The following LGSN variants were observed in gnomAD, a reference collection of about 807,000 sequenced individuals.
LGSN encodes lengsin.
In LGSN, 21 loss-of-function variants were observed where a neutral mutation model predicts 19.5. That is an observed-to-expected ratio of 1.07 (90% CI 0.76 to 1.55). The LOEUF is 1.55. LGSN is among the 40% of genes most tolerant of loss of function. The pLI is 0.00. For synonymous variants in LGSN, 257 were observed against 215.6 expected, an observed-to-expected ratio of 1.19 and a Z score of -1.68; for missense variants, 673 against 608.5, an observed-to-expected ratio of 1.11 and a Z score of -1.12.
the LGSN span, among the ~76,000 whole-genome samples, chr6:63,490,421 G>T: frequency 6.6e-6 from 1 of 152,044 alleles, no homozygotes; most frequent in Non-Finnish European, 1.5e-5. Flanking sequence ...AAAACACAAG[G>T]AAATAAATTT....
At chr6:63,558,432 G>A in the LGSN span, among the ~76,000 whole-genome samples, 2 of 152,288 alleles carry the variant, frequency 1.3e-5, no homozygotes, top group African/African-American at 2.4e-5. Flanking sequence ...CAGTCAGACA[G>A]AAAAGAAGAA....
intron 1 of LGSN, among the ~76,000 whole-genome samples, chr6:63,308,197 T>C (rs909898480): frequency 6.6e-6 from 1 of 152,236 alleles, no homozygotes; most frequent in Admixed American, 6.5e-5. Flanking sequence ...ATTTTCATTC[T>C]TTTGATATTT....
intron 3 of LGSN, among the ~76,000 whole-genome samples, chr6:63,284,066 A>G (rs1054074306): frequency 6.6e-6 from 1 of 152,228 alleles, no homozygotes; most frequent in African/African-American, 2.4e-5. Flanking sequence ...CTCTTAAATT[A>G]CAAATATTAA....
chr6:63,292,606 A>T (rs1158103407), intron 2 of LGSN, among the ~76,000 whole-genome samples: 4 of 152,174 alleles, frequency 2.6e-5, no homozygotes, highest in Non-Finnish European at 5.9e-5. Context: ...ATGAAGCCCC[A>T]GTAAAGACTC....
chr6:63,278,457 C>T lies in LGSN; in HGVS notation c.*1564G>A, dbSNP rs1711932. The T allele has an allele frequency of 0.64, 96,401 of 151,768 alleles. 31,219 individuals carry two copies. Among genetic ancestry groups the T allele is most frequent in the Admixed American group, 0.72 (10,932 of 15,250 alleles). 9.4% of individuals were successfully genotyped at this position (151,768 alleles called of 1,614,324 possible). The stretch of plus-strand genomic sequence containing the variant: ...ATATGCATCCATGAATTTTATTCTT[C>T]TCTTTTTTTTAAGACAGTGTCTCAC... On this transcript the variant is annotated 3_prime_UTR_variant, in exon 4 of 4. Transcript: ENST00000370657.
At chr6:63,488,097 A>G in the LGSN span, among the ~76,000 whole-genome samples, 1 of 152,136 alleles carries the variant, frequency 6.6e-6, no homozygotes, top group Non-Finnish European at 1.5e-5. Context: ...AAGTTTTTCC[A>G]TATTAATAAT....
At chr6:63,376,066 C>G in the LGSN span, among the ~76,000 whole-genome samples, 1 of 152,116 alleles carries the variant, frequency 6.6e-6, no homozygotes, top group Non-Finnish European at 1.5e-5. Flanking sequence ...CGTTCTAACA[C>G]ACTGCTATGC....
At chr6:63,432,179 G>GAAAGGGAAAGAAAGAAAAGAAAAGA in the LGSN span, among the ~76,000 whole-genome samples, 112 of 113,648 alleles carry the variant, frequency 9.9e-4, 4 homozygotes, top group Non-Finnish European at 1.5e-3. Context: ...GAAAAGGAAA[G>GAAAGGGAAAGAAAGAAAAGAAAAGA]AAAGAAAAGA....
intron 1 of LGSN, among the ~76,000 whole-genome samples, chr6:63,304,985 G>A (rs559195383): frequency 5.9e-5 from 9 of 152,254 alleles, no homozygotes; most frequent in Admixed American, 5.2e-4. Flanking sequence ...ACCAAAAGAA[G>A]AGAATTGTTA....
the LGSN span, among the ~76,000 whole-genome samples, chr6:63,457,787 GA>G: frequency 5.3e-5 from 8 of 150,586 alleles, no homozygotes; most frequent in African/African-American, 2.0e-4. Context: ...GCTGAGGCAG[GA>G]GAATCACTTG....
chr6:63,435,419 C>T, the LGSN span, among the ~76,000 whole-genome samples: 1 of 152,084 alleles, frequency 6.6e-6, no homozygotes, highest in African/African-American at 2.4e-5. Context: ...GTATCCTTAG[C>T]ACATGTGATA....
intron 3 of LGSN, among the ~76,000 whole-genome samples, chr6:63,282,577 G>T (rs1053776377): frequency 1.3e-5 from 2 of 152,118 alleles, no homozygotes; most frequent in African/African-American, 4.8e-5. Flanking sequence ...TCAAAGAGGG[G>T]CTGGTATTAG....
At chr6:63,338,717 C>A in the LGSN span, among the ~76,000 whole-genome samples, 1 of 151,778 alleles carries the variant, frequency 6.6e-6, no homozygotes, top group African/African-American at 2.4e-5. Flanking sequence ...ATTTTTCTTT[C>A]TTTCTAATTT....
intron 1 of LGSN, among the ~76,000 whole-genome samples, chr6:63,297,287 G>A (rs1582034405): frequency 6.7e-6 from 1 of 149,402 alleles, no homozygotes; most frequent in East Asian, 2.0e-4. Context: ...AGGTTGCAGT[G>A]AGCCGAGATG....
chr6:63,420,613 A>C, the LGSN span, among the ~76,000 whole-genome samples: 1 of 152,234 alleles, frequency 6.6e-6, no homozygotes, highest in South Asian at 2.1e-4. Flanking sequence ...ACTACCTGGC[A>C]GTAAAAAGGT....
chr6:63,362,087 G>A, the LGSN span, among the ~76,000 whole-genome samples: 1 of 152,138 alleles, frequency 6.6e-6, no homozygotes, highest in South Asian at 2.1e-4. Flanking sequence ...CATGCACGGG[G>A]CTGTCATCAC....
chr6:63,346,433 A>T, the LGSN span, among the ~76,000 whole-genome samples: 1 of 151,832 alleles, frequency 6.6e-6, no homozygotes, highest in Non-Finnish European at 1.5e-5. Context: ...ACACATGGAG[A>T]TGCTGAGCCC....
At chr6:63,346,638 T>C in the LGSN span, among the ~76,000 whole-genome samples, 2 of 152,126 alleles carry the variant, frequency 1.3e-5, no homozygotes. Context: ...GAATCCCAAT[T>C]CATAGCCAGC....
At chr6:63,474,363 C>A in the LGSN span, among the ~76,000 whole-genome samples, 1 of 152,124 alleles carries the variant, frequency 6.6e-6, no homozygotes, top group African/African-American at 2.4e-5. Flanking sequence ...AATCCCAGCA[C>A]ATTGGGAGGC....
Sources: gnomAD v4.1 joint callset for allele counts (sites outside exome capture counted in the v4.1 genomes callset) on GRCh38, gnomAD v4.1.1 for gene constraint, MANE v1.5 for transcripts, NCBI Gene and HGNC (gene_info 2026-07-23, HGNC 2026-07-21) for gene names.